FXN: variants seen among roughly 807,000 people sequenced by gnomAD.
FXN encodes the protein frataxin, mitochondrial.
Under a neutral mutation model 22.4 loss-of-function variants are expected in FXN, and 14 were observed. The ratio of observed to expected loss-of-function variants is 0.62; its 90% confidence interval spans 0.41 to 0.98. The LOEUF is 0.98. FXN is among the 50% of genes least tolerant of loss of function. The pLI, the probability that FXN is intolerant of heterozygous loss-of-function variation, is 0.00. For synonymous variants in FXN, 120 were observed against 114.1 expected, an observed-to-expected ratio of 1.05 and a Z score of -0.33; for missense variants, 267 against 268.4, an observed-to-expected ratio of 0.99 and a Z score of 0.04.
intron 4 of FXN, 114 bp from the exon 5 acceptor site, chr9:69,072,498 G>A: frequency 6.3e-7 from 1 of 1,593,150 alleles, no homozygotes; most frequent in African/African-American, 1.3e-5. Flanking sequence ...CTCATTTTGT[G>A]TTATTTTCTA....
At position 69,075,648 on chromosome 9, in the gene FXN, T is replaced by A. The variant is rs77364069; in HGVS notation, c.*2886T>A. On this transcript the variant is annotated 3_prime_UTR_variant, in exon 5 of 5. Coordinates refer to ENST00000484259, the MANE Select transcript of FXN (RefSeq NM_000144.5). The stretch of plus-strand genomic sequence containing the variant: ...CAGTCATCCATGTGAAGGATGAGTT[T>A]CCAGGAAAAGGTTATTAAATATTCA... The A allele has an allele frequency of 8.6e-4, 846 of 985,378 alleles. 11 individuals carry two copies. The African/African-American group carries it at 0.013, about 15-fold the overall frequency. The allele number at this position is 985,378 out of a possible 1,614,324, so 61.0% of individuals were successfully genotyped here.
chr9:69,073,881 G>A lies in FXN; in HGVS notation c.*1119G>A, dbSNP rs1473846404. On this transcript the variant is annotated 3_prime_UTR_variant, in exon 5 of 5. Coordinates refer to ENST00000484259, the MANE Select transcript of FXN (RefSeq NM_000144.5). The stretch of plus-strand genomic sequence containing the variant: ...CTATCGTGATTTCAGTTGAATTCAT[G>A]TGAAAATAATAGCCATCCTTGGCCT... 2 of 985,224 alleles carry A rather than the reference G, an allele frequency of 2.0e-6. No individual in the cohort carries two copies. Among genetic ancestry groups the A allele is most frequent in the African/African-American group, 1.7e-5 (1 of 57,224 alleles). The allele number at this position is 985,224 out of a possible 1,614,324, so 61.0% of individuals were successfully genotyped here.
At chr9:69,042,824 C>A (rs972084246) in intron 1 of FXN, among the ~76,000 whole-genome samples, 2 of 152,152 alleles carry the variant, frequency 1.3e-5, no homozygotes, top group Non-Finnish European at 1.5e-5. Flanking sequence ...GACACTTTTC[C>A]TTGGATGTTT....
intron 4 of FXN, among the ~76,000 whole-genome samples, chr9:69,066,087 C>G (rs1832160572): frequency 6.6e-6 from 1 of 152,172 alleles, no homozygotes. Flanking sequence ...AGAGACATCC[C>G]TCATCCCTCA....
At chr9:69,067,721 ACCAC>A (rs1270698288) in intron 4 of FXN, among the ~76,000 whole-genome samples, 1 of 152,190 alleles carries the variant, frequency 6.6e-6, no homozygotes, top group African/African-American at 2.4e-5. Flanking sequence ...CTGGCAAGAT[ACCAC>A]CCTCATAGCC....
intron 3 of FXN, among the ~76,000 whole-genome samples, chr9:69,055,525 G>T (rs1831942798): frequency 6.8e-6 from 1 of 147,454 alleles, no homozygotes; most frequent in Non-Finnish European, 1.5e-5. Flanking sequence ...TTGAAGCCTA[G>T]CTCTGTCACC....
rs1239866971 is a variant in FXN at position 69,077,557 on chromosome 9, T to C, written c.*4795T>C. The C allele has an allele frequency of 1.0e-6, 1 of 985,448 alleles. No homozygotes were observed. The highest frequency in any genetic ancestry group is 4.7e-5 in the South Asian group (1 of 21,288). 61.0% of individuals were successfully genotyped at this position (985,448 alleles called of 1,614,324 possible). A position where few individuals can be genotyped will look rare whatever the true frequency, so the allele number is the denominator to read the frequency against. On this transcript the variant is annotated 3_prime_UTR_variant, in exon 5 of 5. Coordinates refer to ENST00000484259, the MANE Select transcript of FXN (RefSeq NM_000144.5). Reference sequence around the variant, plus strand: ...GGCCCCATCCAGGTAGAAGTACTAGTGCAAGAAGGGCCTCTGCTGTCCACT... The same window carrying C: ...GGCCCCATCCAGGTAGAAGTACTAGCGCAAGAAGGGCCTCTGCTGTCCACT...
At chr9:69,036,060 C>G (rs1831546009) in intron 1 of FXN, 113 bp downstream of exon 1, 5 of 931,698 alleles carry the variant, frequency 5.4e-6, no homozygotes, top group South Asian at 9.8e-5. Context: ...GCGCGCTGGA[C>G]TAGCTCACCC....
chr9:69,037,284 A>AAAAAGAAGAAT (rs544093183), intron 1 of FXN, among the ~76,000 whole-genome samples: 1 of 78,060 alleles, frequency 1.3e-5, no homozygotes, highest in Non-Finnish European at 2.5e-5. Context: ...AAAAAAAAAA[A>AAAAAGAAGAAT]AAGAAGAAGA....
rs1365908961 is a variant in FXN at position 69,074,524 on chromosome 9, A to G, written c.*1762A>G. The G allele has an allele frequency of 1.1e-6, 1 of 948,204 alleles. No individual in the cohort carries two copies. The highest frequency in any genetic ancestry group is 2.2e-5 in the African/African-American group (1 of 44,698). The allele number at this position is 948,204 out of a possible 1,614,324, so 58.7% of individuals were successfully genotyped here. The stretch of plus-strand genomic sequence containing the variant: ...GACAGAGCGAGACTCCGTCTCAAAA[A>G]AAAAAAAAAGGAGGGTTTATTAATG... On this transcript the variant is annotated 3_prime_UTR_variant, in exon 5 of 5. Coordinates refer to ENST00000484259, the MANE Select transcript of FXN (RefSeq NM_000144.5).
At chr9:69,058,369 C>T (rs73647063) in intron 3 of FXN, among the ~76,000 whole-genome samples, 4 of 151,918 alleles carry the variant, frequency 2.6e-5, no homozygotes, top group Admixed American at 6.6e-5. Flanking sequence ...AGTCACCCCA[C>T]TACCTGAAGT....
Position 69,076,812 on chromosome 9 carries a change from A to G in FXN, c.*4050A>G. 1.0e-6 allele frequency: 1 copy of G among 985,486 alleles called. No individual in the cohort carries two copies. The highest frequency in any genetic ancestry group is 1.2e-6 in the Non-Finnish European group (1 of 829,960). The allele number at this position is 985,486 out of a possible 1,614,324, so 61.0% of individuals were successfully genotyped here. A position where few individuals can be genotyped will look rare whatever the true frequency, so the allele number is the denominator to read the frequency against. ...TGCTAGAACAAACTAAAACAGCTAC[A>G]TGCCAGCAAGGGAGAAAGGGGAAGG... On this transcript the variant is annotated 3_prime_UTR_variant, in exon 5 of 5. Transcript: ENST00000484259.
rs1832327347 is a variant in FXN at position 69,074,294 on chromosome 9, T to G, written c.*1532T>G. ...ATTTTAATTTTTACTGACCTGCACT[T>G]TATACAAAGCAACAAGCCTCCAGGA... On this transcript the variant is annotated 3_prime_UTR_variant, in exon 5 of 5. Coordinates refer to ENST00000484259, the MANE Select transcript of FXN (RefSeq NM_000144.5). 1 of 985,126 alleles carries G rather than the reference T, an allele frequency of 1.0e-6. No homozygotes were observed. Among genetic ancestry groups the G allele is most frequent in the Non-Finnish European group, 1.2e-6 (1 of 829,774 alleles). The allele number at this position is 985,126 out of a possible 1,614,324, so 61.0% of individuals were successfully genotyped here.
Position 69,046,385 on chromosome 9 carries a change from A to G in FXN, c.166A>G (p.Ser56Gly). ...IDATCTPRRASSNQRGLNQIW... is the reference protein window; with the variant it reads ...IDATCTPRRAGSNQRGLNQIW... ...CGTACTTCTTAACTTTGGCTTTCAG[A>G]GTTCGAACCAACGTGGCCTCAACCA... Residue 56 changes from serine (S) to glycine (G), a missense_variant and splice_region_variant, in exon 2 of 5, where the codon AGT becomes GGT. Ser to Gly is a moderately conservative substitution (Grantham distance 56). Transcript: ENST00000484259. 2 of 1,613,094 alleles carry G rather than the reference A, an allele frequency of 1.2e-6. No individual in the cohort carries two copies. The highest frequency in any genetic ancestry group is 2.2e-5 in the South Asian group (2 of 91,062).
chr9:69,053,240 G>T lies in FXN; in HGVS notation c.364G>T (p.Asp122Tyr), dbSNP rs142157346. The T allele has an allele frequency of 6.2e-7, 1 of 1,613,768 alleles. No homozygotes were observed. Among genetic ancestry groups the T allele is most frequent in the Non-Finnish European group, 8.5e-7 (1 of 1,179,856 alleles). ...TGCAGACAAGCCATACACGTTTGAG[G>T]ACTATGATGTCTCCTTTGGGGTACC... is the stretch of plus-strand genomic sequence containing the variant. ...DLADKPYTFEDYDVSFGSGVL... is the reference protein window; with the variant it reads ...DLADKPYTFEYYDVSFGSGVL... The change falls in exon 3 of 5, where the codon GAC becomes TAC. Residue 122 changes from aspartate to tyrosine, a missense_variant. Transcript: ENST00000484259.
At chr9:69,071,210 G>A (rs1201865785) in intron 4 of FXN, 1 of 518,920 alleles carries the variant, frequency 1.9e-6, no homozygotes, top group Non-Finnish European at 3.8e-6. Flanking sequence ...CAAGGGGACG[G>A]TCCTTGGGCT....
intron 1 of FXN, among the ~76,000 whole-genome samples, chr9:69,041,595 C>T (rs1297266130): frequency 2.0e-5 from 3 of 152,194 alleles, no homozygotes; most frequent in African/African-American, 7.2e-5. Flanking sequence ...AGTTCATCCT[C>T]CCCTGCGAGG....
intron 1 of FXN, among the ~76,000 whole-genome samples, chr9:69,042,907 T>C (rs1228818229): frequency 6.6e-6 from 1 of 152,178 alleles, no homozygotes; most frequent in East Asian, 1.9e-4. Context: ...ACAGCTTGGG[T>C]TCAATCCCAG....
Position 69,035,850 on chromosome 9 carries a change from C to T in FXN, c.68C>T (p.Thr23Ile), listed in dbSNP as rs572324212. 1.4e-4 allele frequency: 213 copies of T among 1,501,300 alleles called. 4 individuals are homozygous for T. In the South Asian group the frequency reaches 2.6e-3, roughly 18 times the overall value. 93.0% of individuals were successfully genotyped at this position (1,501,300 alleles called of 1,614,324 possible). ...LASPSPAQAQTLTRVPRPAEL... is the reference protein window; with the variant it reads ...LASPSPAQAQILTRVPRPAEL... ...TCACCCAGCCCAGCCCAGGCCCAGA[C>T]CCTCACCCGGGTCCCGCGGCCGGCA... Residue 23 changes from threonine to isoleucine, a missense_variant, in exon 1 of 5, where the codon ACC becomes ATC. Physicochemically the swap from Thr to Ile is moderately conservative, Grantham distance 89. Transcript: ENST00000484259.
Sources: allele counts gnomAD v4.1 joint callset (sites outside exome capture counted in the v4.1 genomes callset), GRCh38; gene constraint gnomAD v4.1.1; transcripts MANE v1.5; gene names NCBI Gene and HGNC (gene_info 2026-07-23, HGNC 2026-07-21).